Variants in CNTNAP2 observed in about 807,000 individuals in gnomAD.
CNTNAP2 encodes the protein contactin associated protein 2.
In CNTNAP2, 98 loss-of-function variants were observed where a neutral mutation model predicts 155.2. That is an observed-to-expected ratio of 0.63 (90% CI 0.54 to 0.75). The LOEUF (loss-of-function observed/expected upper bound fraction) is 0.75, where lower values mean the gene tolerates loss of function less well. CNTNAP2 is among the 30% of genes least tolerant of loss of function. The probability of loss-of-function intolerance (pLI) is 0.00; values close to 1 mark genes in which losing one functional copy is unlikely to be tolerated. For synonymous variants in CNTNAP2, 651 were observed against 631.2 expected, an observed-to-expected ratio of 1.03 and a Z score of -0.47; for missense variants, 1,727 against 1,688.1, an observed-to-expected ratio of 1.02 and a Z score of -0.40.
At chr7:146,409,019 T>G (rs1795831454) in intron 1 of CNTNAP2, among the ~76,000 whole-genome samples, 1 of 152,126 alleles carries the variant, frequency 6.6e-6, no homozygotes, top group Admixed American at 6.6e-5. Flanking sequence ...TCTCATCTAA[T>G]CCTTGCAACG....
intron 10 of CNTNAP2, among the ~76,000 whole-genome samples, chr7:147,435,211 A>G (rs1366100431): frequency 6.6e-6 from 1 of 152,210 alleles, no homozygotes; most frequent in Admixed American, 6.5e-5. Flanking sequence ...GTTTTGTCAC[A>G]ATAAATGAGT....
chr7:148,048,982 C>T (rs1802830619), intron 15 of CNTNAP2, among the ~76,000 whole-genome samples: 1 of 152,150 alleles, frequency 6.6e-6, no homozygotes, highest in African/African-American at 2.4e-5. Context: ...GAGGCCGAGG[C>T]TGGTGGATCA....
At chr7:146,539,278 A>G (rs1797916068) in intron 1 of CNTNAP2, among the ~76,000 whole-genome samples, 1 of 152,070 alleles carries the variant, frequency 6.6e-6, no homozygotes, top group Admixed American at 6.6e-5. Context: ...CTGCTGGTAC[A>G]TGGGTTTCTG....
chr7:148,169,262 G>A (rs559771064), intron 17 of CNTNAP2, among the ~76,000 whole-genome samples: 21 of 152,176 alleles, frequency 1.4e-4, no homozygotes, highest in Non-Finnish European at 2.8e-4. Flanking sequence ...TTTTGCCCCC[G>A]TCGAGCAGAC....
In CNTNAP2 at chr7:148,013,834, G is replaced by A. The variant is rs147498536; in HGVS notation, c.2383+35845G>A. Among the ~76,000 whole-genome samples the A allele has an allele frequency of 5.1e-3, 778 of 152,140 alleles. 7 individuals are homozygous for A. Among genetic ancestry groups the A allele is most frequent in the African/African-American group, 0.017 (708 of 41,526 alleles). On this transcript the variant is annotated intron_variant, in intron 15 of 23. Coordinates refer to ENST00000361727, the MANE Select transcript of CNTNAP2 (RefSeq NM_014141.6). The stretch of plus-strand genomic sequence containing the variant: ...GTTAAGTAACAGCATGAGTAATATG[G>A]CCCTCTGTGGAATTTCTTGGTGGCA...
At chr7:147,580,171 A>T (rs766854903) in intron 12 of CNTNAP2, among the ~76,000 whole-genome samples, 5 of 151,886 alleles carry the variant, frequency 3.3e-5, no homozygotes, top group Non-Finnish European at 5.9e-5. Flanking sequence ...TCCAACTATA[A>T]CTCTGATTTA....
intron 1 of CNTNAP2, among the ~76,000 whole-genome samples, chr7:146,493,751 G>A (rs1797172598): frequency 6.6e-6 from 1 of 151,938 alleles, no homozygotes; most frequent in South Asian, 2.1e-4. Flanking sequence ...TAAGAAAAAG[G>A]AAAGAGAATA....
rs529062987 is a variant in CNTNAP2 at position 146,507,888 on chromosome 7, T to C, written c.98-266383T>C. Among the ~76,000 whole-genome samples, 32 of 152,284 alleles carry C rather than the reference T, an allele frequency of 2.1e-4. No homozygotes were observed. In the South Asian group the frequency reaches 6.4e-3, roughly 31 times the overall value. ...TGAAAGTCTATTGTCGCCCTTTCCATGTGAAGACAAACTGTTCCTGGCTCT... is the reference window on the plus strand; with the variant it reads ...TGAAAGTCTATTGTCGCCCTTTCCACGTGAAGACAAACTGTTCCTGGCTCT... On this transcript the variant is annotated intron_variant, in intron 1 of 23. Coordinates refer to ENST00000361727, the MANE Select transcript of CNTNAP2 (RefSeq NM_014141.6).
At chr7:148,162,069 G>A (rs575375502) in intron 17 of CNTNAP2, among the ~76,000 whole-genome samples, 10 of 152,232 alleles carry the variant, frequency 6.6e-5, no homozygotes, top group African/African-American at 2.2e-4. Flanking sequence ...TGCCAGCTTG[G>A]ATAATAACAC....
chr7:146,737,008 G>A (rs572940593), intron 1 of CNTNAP2, among the ~76,000 whole-genome samples: 8 of 152,126 alleles, frequency 5.3e-5, no homozygotes, highest in Middle Eastern at 3.4e-3. Context: ...ACTTTCTATT[G>A]TGAAAGGAAT....
intron 13 of CNTNAP2, among the ~76,000 whole-genome samples, chr7:147,875,681 C>G (rs1799410290): frequency 6.6e-6 from 1 of 152,066 alleles, no homozygotes; most frequent in Non-Finnish European, 1.5e-5. Context: ...ACCTTGAGCC[C>G]ATGAGTTCAA....
chr7:148,210,972 G>A (rs972411225), intron 18 of CNTNAP2, among the ~76,000 whole-genome samples: 7 of 152,262 alleles, frequency 4.6e-5, no homozygotes, highest in African/African-American at 1.7e-4. Context: ...AACAAAACAA[G>A]TTTAAGCAGA....
At chr7:147,451,765 CAAA>C (rs113417672) in intron 10 of CNTNAP2, among the ~76,000 whole-genome samples, 2 of 108,328 alleles carry the variant, frequency 1.8e-5, no homozygotes, top group South Asian at 2.8e-4. Flanking sequence ...TTGTTTCTTC[CAAA>C]AAAAAAAAAA....
At chr7:146,398,177 C>A (rs1378798418) in intron 1 of CNTNAP2, among the ~76,000 whole-genome samples, 4 of 137,738 alleles carry the variant, frequency 2.9e-5, no homozygotes, top group African/African-American at 1.3e-4. Context: ...CTATACCCGG[C>A]CCCAAACTTT....
At chr7:146,486,676 C>T (rs746315486) in intron 1 of CNTNAP2, among the ~76,000 whole-genome samples, 43 of 152,062 alleles carry the variant, frequency 2.8e-4, no homozygotes, top group Admixed American at 2.6e-4. Context: ...CGGAACTTTA[C>T]GATGATAAAT....
chr7:147,799,070 T>A (rs1797947859), intron 13 of CNTNAP2, among the ~76,000 whole-genome samples: 1 of 152,184 alleles, frequency 6.6e-6, no homozygotes, highest in South Asian at 2.1e-4. Context: ...ACCCATGTGC[T>A]ACACAGCAAG....
At chr7:146,174,201 CAAA>C (rs922201424) in intron 1 of CNTNAP2, among the ~76,000 whole-genome samples, 1 of 124,622 alleles carries the variant, frequency 8.0e-6, no homozygotes. Context: ...GATGCTGTCT[CAAA>C]AAAAAAAAGG....
In CNTNAP2 at chr7:148,392,768, T is replaced by C. The variant is rs1021686904; in HGVS notation, c.3715+8880T>C. On this transcript the variant is annotated intron_variant, in intron 22 of 23. Transcript: ENST00000361727. Reference sequence around the variant, plus strand: ...GCTGGTCCAGTGGATTCACTCAGGTTGGCAGAGTGGCTGAAAACCAGCCCT... The same window carrying C: ...GCTGGTCCAGTGGATTCACTCAGGTCGGCAGAGTGGCTGAAAACCAGCCCT... 1.7e-4 allele frequency among the ~76,000 whole-genome samples: 26 copies of C among 152,304 alleles called. 1 individual carries two copies. The South Asian group carries it at 5.4e-3, about 32-fold the overall frequency.
intron 15 of CNTNAP2, among the ~76,000 whole-genome samples, chr7:148,048,978 G>A (rs913095771): frequency 3.3e-5 from 5 of 152,180 alleles, no homozygotes; most frequent in East Asian, 1.9e-4. Context: ...TTGGGAGGCC[G>A]AGGCTGGTGG....
Sources: gnomAD v4.1 joint callset for allele counts (sites outside exome capture counted in the v4.1 genomes callset) on GRCh38, gnomAD v4.1.1 for gene constraint, MANE v1.5 for transcripts, NCBI Gene and HGNC (gene_info 2026-07-23, HGNC 2026-07-21) for gene names.